Variants in LPAR6 observed in about 807,000 individuals in gnomAD.
The protein encoded by LPAR6 is G-protein coupled purinergic receptor P2Y5.
A neutral mutation model predicts 22.0 loss-of-function variants in LPAR6; 17 were observed. The observed-to-expected ratio is 0.77, with a 90% CI of 0.53 to 1.16. The LOEUF is 1.16. Among genes scored for constraint, LPAR6 ranks in the 50% most tolerant of loss-of-function variants. The pLI is 0.00. For missense variants in LPAR6, 384 were observed against 406.9 expected (o/e 0.94, Z 0.48); for synonymous variants, 136 against 139.8 (o/e 0.97, Z 0.19).
chr13:48,390,707 T>C (rs1051196550), intron 1 of LPAR6, among the ~76,000 whole-genome samples: 1 of 152,212 alleles, frequency 6.6e-6, no homozygotes, highest in African/African-American at 2.4e-5. Flanking sequence ...CATTATAAAA[T>C]GACCCTCTCT....
upstream of LPAR6, among the ~76,000 whole-genome samples, chr13:48,428,619 A>G (rs1171560705): frequency 6.6e-6 from 1 of 152,258 alleles, no homozygotes; most frequent in African/African-American, 2.4e-5. Flanking sequence ...TTAAAACACT[A>G]AATTCTAACA....
downstream of LPAR6, among the ~76,000 whole-genome samples, chr13:48,406,203 G>C (rs530225282): frequency 6.7e-6 from 1 of 148,926 alleles, no homozygotes; most frequent in East Asian, 1.9e-4. Flanking sequence ...AAGGGTTAAT[G>C]TGTGTGTGTA....
In LPAR6 at chr13:48,412,019, A is replaced by G. The variant is rs1178421816; in HGVS notation, c.405T>C (p.Ile135=). Reference sequence around the variant, plus strand: ...CAGTTAACCACACGCCAGTGCAAACAATCTTTGCATTTCTTTTGGTTCTTA... The same window carrying G: ...CAGTTAACCACACGCCAGTGCAAACGATCTTTGCATTTCTTTTGGTTCTTA... ...KTLRTKRNAK[I]VCTGVWLTVI... is the part of the protein sequence containing the mutation. The change falls in exon 1 of 1, where the codon ATT becomes ATC. Residue 135 remains isoleucine (I), a synonymous_variant. Coordinates refer to ENST00000620633, the MANE Select transcript of LPAR6 (RefSeq NM_001162498.3). 1 of 1,612,888 alleles carries G rather than the reference A, an allele frequency of 6.2e-7. No homozygotes were observed. The highest frequency in any genetic ancestry group is 1.7e-5 in the Admixed American group (1 of 59,804).
chr13:48,412,634 A>C lies in LPAR6; in HGVS notation c.-211T>G, dbSNP rs1289582457. The C allele has an allele frequency of 1.7e-6, 1 of 593,676 alleles. No homozygotes were observed. Among genetic ancestry groups the C allele is most frequent in the African/African-American group, 1.9e-5 (1 of 53,624 alleles). The allele number at this position is 593,676 out of a possible 1,614,324, so 36.8% of individuals were successfully genotyped here. On this transcript the variant is annotated 5_prime_UTR_variant, in exon 1 of 1. Coordinates refer to ENST00000620633, the MANE Select transcript of LPAR6 (RefSeq NM_001162498.3). The stretch of plus-strand genomic sequence containing the variant: ...ATTTCCGCTGGGTTCTTCAACAGGA[A>C]AATATTTTCATTTGTTAGTCTTTAG...
intron 1 of LPAR6, among the ~76,000 whole-genome samples, chr13:48,434,452 C>G (rs1283105914): frequency 1.3e-5 from 2 of 152,136 alleles, no homozygotes; most frequent in South Asian, 4.1e-4. Flanking sequence ...TTTTATCCAA[C>G]AAGCCTAAGA....
At chr13:48,402,161 ATCTG>A (rs1948697861) in intron 1 of LPAR6, among the ~76,000 whole-genome samples, 1 of 152,156 alleles carries the variant, frequency 6.6e-6, no homozygotes, top group African/African-American at 2.4e-5. Context: ...TGAACTTACT[ATCTG>A]TTCTTGAAAA....
upstream of LPAR6, among the ~76,000 whole-genome samples, chr13:48,413,910 G>T (rs371783703): frequency 3.3e-5 from 5 of 152,004 alleles, no homozygotes; most frequent in African/African-American, 7.2e-5. Context: ...CAAAATTTTA[G>T]GTTCATAGTC....
chr13:48,392,431 C>A (rs147269089), intron 1 of LPAR6, among the ~76,000 whole-genome samples: 1 of 152,146 alleles, frequency 6.6e-6, no homozygotes, highest in African/African-American at 2.4e-5. Context: ...TTTGCTGTAT[C>A]TTTTTCCTGC....
chr13:48,403,535 G>T (rs1201978927), intron 1 of LPAR6, among the ~76,000 whole-genome samples: 1 of 152,174 alleles, frequency 6.6e-6, no homozygotes, highest in Non-Finnish European at 1.5e-5. Context: ...GTGGAAGTGG[G>T]AGTCTTAGAG....
chr13:48,428,755 A>C (rs1003750656), upstream of LPAR6, among the ~76,000 whole-genome samples: 2 of 152,216 alleles, frequency 1.3e-5, no homozygotes, highest in Non-Finnish European at 2.9e-5. Flanking sequence ...GCATTTGTAC[A>C]TAGTAATGTG....
At chr13:48,395,480 GAA>G (rs1948640803) in intron 1 of LPAR6, among the ~76,000 whole-genome samples, 1 of 151,828 alleles carries the variant, frequency 6.6e-6, no homozygotes, top group Non-Finnish European at 1.5e-5. Flanking sequence ...TAAGAACTTT[GAA>G]AAAAGGTTAG....
chr13:48,391,244 CT>C (rs1948608183), intron 1 of LPAR6, among the ~76,000 whole-genome samples: 1 of 152,132 alleles, frequency 6.6e-6, no homozygotes, highest in Non-Finnish European at 1.5e-5. Flanking sequence ...TCCATTTTCC[CT>C]TTTCCAACCT....
intron 1 of LPAR6, among the ~76,000 whole-genome samples, chr13:48,434,076 T>G (rs533035388): frequency 2.0e-5 from 3 of 152,196 alleles, no homozygotes; most frequent in Non-Finnish European, 4.4e-5. Flanking sequence ...TGTTGAGAAT[T>G]AAAATAAATA....
At chr13:48,392,615 T>C (rs1313890722) in intron 1 of LPAR6, among the ~76,000 whole-genome samples, 1 of 152,180 alleles carries the variant, frequency 6.6e-6, no homozygotes, top group Non-Finnish European at 1.5e-5. Flanking sequence ...ATATCTTCCA[T>C]ATCTATTTTT....
chr13:48,409,150 CT>C (rs1282281494), downstream of LPAR6, among the ~76,000 whole-genome samples: 245 of 130,964 alleles, frequency 1.9e-3, no homozygotes, highest in Middle Eastern at 4.0e-3. Context: ...TTTCTTTTCT[CT>C]TTTTTTTTTT....
upstream of LPAR6, among the ~76,000 whole-genome samples, chr13:48,431,080 T>G (rs1175363671): frequency 1.3e-5 from 2 of 152,222 alleles, no homozygotes; most frequent in African/African-American, 2.4e-5. Flanking sequence ...TCATATGAGT[T>G]ATAACATTTA....
chr13:48,425,320 G>A (rs1018721763), intron 1 of LPAR6, among the ~76,000 whole-genome samples: 2 of 152,186 alleles, frequency 1.3e-5, no homozygotes, highest in African/African-American at 4.8e-5. Flanking sequence ...AACTATTTGA[G>A]TGACTATTTT....
intron 1 of LPAR6, among the ~76,000 whole-genome samples, chr13:48,434,438 G>A (rs773936583): frequency 3.3e-5 from 5 of 151,914 alleles, no homozygotes; most frequent in Non-Finnish European, 7.4e-5. Context: ...TTTTCTTCAG[G>A]TGCTTTTATC....
chr13:48,427,168 G>C (rs1949091699), upstream of LPAR6, among the ~76,000 whole-genome samples: 1 of 149,514 alleles, frequency 6.7e-6, no homozygotes, highest in South Asian at 2.1e-4. Flanking sequence ...TTCAACACGA[G>C]TCATCTACCA....
Sources: gnomAD v4.1 joint callset for allele counts (sites outside exome capture counted in the v4.1 genomes callset) on GRCh38, gnomAD v4.1.1 for gene constraint, MANE v1.5 for transcripts, NCBI Gene and HGNC (gene_info 2026-07-23, HGNC 2026-07-21) for gene names.